APOBEC3C: variants seen among roughly 807,000 people sequenced by gnomAD.
APOBEC3C encodes the protein DNA dC->dU-editing enzyme APOBEC-3C.
In APOBEC3C, 14 loss-of-function variants were observed where a neutral mutation model predicts 20.6. The ratio of observed to expected loss-of-function variants is 0.68; its 90% CI spans 0.45 to 1.06. The LOEUF (loss-of-function observed/expected upper bound fraction) is 1.06. Among genes scored for constraint, APOBEC3C ranks in the 50% least tolerant of loss-of-function variants. The pLI is 0.00. For synonymous variants in APOBEC3C, 98 were observed against 88.8 expected (o/e 1.10, Z -0.58); for missense variants, 244 against 241.9 (o/e 1.01, Z -0.06).
intron 2 of APOBEC3C, among the ~76,000 whole-genome samples, chr22:39,017,190 C>G (rs893341560): frequency 4.6e-5 from 7 of 151,884 alleles, no homozygotes; most frequent in African/African-American, 1.5e-4. Flanking sequence ...CGAGATTGTG[C>G]CACTGCACTC....
chr22:39,017,751 C>A lies in APOBEC3C; in HGVS notation c.175-15C>A. ...TGGTCTGAGCTCCCCTGTCCTCCTC[C>A]TCCTCCTTCGCCAGGTGGATTCTGA... On this transcript the variant is annotated splice_polypyrimidine_tract_variant and intron_variant, in intron 2 of 3. Transcript: ENST00000361441. 6.2e-7 allele frequency: 1 copy of A among 1,609,578 alleles called. No individual in the cohort carries two copies. The highest frequency in any genetic ancestry group is 8.5e-7 in the Non-Finnish European group (1 of 1,176,636).
At chr22:39,015,819 A>G in intron 2 of APOBEC3C, 68 bp downstream of exon 2, 1 of 1,518,296 alleles carries the variant, frequency 6.6e-7, no homozygotes, top group Non-Finnish European at 9.0e-7. Flanking sequence ...AAACGCAACA[A>G]TAAGTGATGT....
At position 39,018,576 on chromosome 22, in the gene APOBEC3C, GCTCCTTT is replaced by G; in HGVS notation, c.*192_*198del. ...GCTCTTCCAGACTCTTCCTGCAGAGGCTCCTTTCTGCCTCCATGGCTATCCATCCACC... is the reference window on the plus strand; with the variant it reads ...GCTCTTCCAGACTCTTCCTGCAGAGGCTGCCTCCATGGCTATCCATCCACC... On this transcript the variant is annotated 3_prime_UTR_variant, in exon 4 of 4. Coordinates refer to ENST00000361441, the MANE Select transcript of APOBEC3C (RefSeq NM_014508.3). The G allele has an allele frequency of 1.7e-6, 1 of 604,822 alleles. No individual in the cohort carries two copies. Among genetic ancestry groups the G allele is most frequent in the South Asian group, 2.2e-5 (1 of 45,300 alleles). The allele number at this position is 604,822 out of a possible 1,614,324, so 37.5% of individuals were successfully genotyped here. A position where few individuals can be genotyped will look rare whatever the true frequency, so the allele number is the denominator to read the frequency against.
At chr22:39,015,852 T>C (rs1052973532) in intron 2 of APOBEC3C, 101 bp downstream of exon 2, 14 of 1,150,892 alleles carry the variant, frequency 1.2e-5, no homozygotes, top group Non-Finnish European at 1.6e-5. Flanking sequence ...CTCTCCTGTG[T>C]GCACTTTCCT....
Position 39,018,065 on chromosome 22 carries a change from G to A in APOBEC3C, c.454+20G>A, listed in dbSNP as rs746910893. The A allele has an allele frequency of 3.2e-4, 517 of 1,612,596 alleles. No individual in the cohort carries two copies. Among genetic ancestry groups the A allele is most frequent in the Non-Finnish European group, 4.1e-4 (486 of 1,178,920 alleles). On this transcript the variant is annotated intron_variant, in intron 3 of 3. Coordinates refer to ENST00000361441, the MANE Select transcript of APOBEC3C (RefSeq NM_014508.3). Reference sequence around the variant, plus strand: ...ATGAAGGTGAGACGTGGGGGGCTGAGGAGAGTGGGTGCAGGAGGGACAGCA... The same window carrying A: ...ATGAAGGTGAGACGTGGGGGGCTGAAGAGAGTGGGTGCAGGAGGGACAGCA...
rs201615015 is a variant in APOBEC3C, at chr22:39,017,822, C to T, written c.231C>T (p.Asp77=). Residue 77 remains aspartate, a synonymous_variant, in exon 3 of 4, where the codon GAC becomes GAT. Transcript: ENST00000361441. ...AERCFLSWFC[D]DILSPNTKYQ... is the part of the protein sequence containing the mutation. ...GGTGCTTCCTCTCTTGGTTCTGCGA[C>T]GACATACTGTCTCCTAACACAAAGT... is the stretch of plus-strand genomic sequence containing the variant. The T allele has an allele frequency of 2.1e-4, 347 of 1,614,050 alleles. 1 individual carries two copies. Among genetic ancestry groups the T allele is most frequent in the South Asian group, 2.0e-3 (180 of 91,072 alleles).
Position 39,018,313 on chromosome 22 carries a change from C to T in APOBEC3C, c.499C>T (p.Pro167Ser), listed in dbSNP as rs1256049011. 6.2e-7 allele frequency: 1 copy of T among 1,614,066 alleles called. No homozygotes were observed. ...AAACTTTGTGTACAATGATAATGAG[C>T]CATTCAAGCCTTGGAAGGGATTAAA... Reference protein sequence around the residue: ...WENFVYNDNEPFKPWKGLKTN... With the variant: ...WENFVYNDNESFKPWKGLKTN... Residue 167 changes from proline (P) to serine (S), a missense_variant, in exon 4 of 4, where the codon CCA (proline) becomes TCA (serine). Physicochemically the swap from Pro to Ser is moderately conservative, Grantham distance 74. Transcript: ENST00000361441.
chr22:39,018,761 C>T lies in APOBEC3C; in HGVS notation c.*374C>T, dbSNP rs1139721. The T allele has an allele frequency of 0.33, 49,014 of 148,186 alleles. 8,600 individuals carry two copies. The highest frequency in any genetic ancestry group is 0.53 in the East Asian group (2,653 of 5,040). 9.2% of individuals were successfully genotyped at this position (148,186 alleles called of 1,614,324 possible). A position where few individuals can be genotyped will look rare whatever the true frequency, so the allele number is the denominator to read the frequency against. Reference sequence around the variant, plus strand: ...ATTTGGGAGGCAAAGGTGGGAGAATCGCGTGAGCCCAGGAGTTCCAGACCA... The same window carrying T: ...ATTTGGGAGGCAAAGGTGGGAGAATTGCGTGAGCCCAGGAGTTCCAGACCA... On this transcript the variant is annotated 3_prime_UTR_variant, in exon 4 of 4. Transcript: ENST00000361441.
In APOBEC3C at chr22:39,018,020, C is replaced by G. The variant is rs367817380; in HGVS notation, c.429C>G (p.Val143=). The change falls in exon 3 of 4, where the codon GTC becomes GTG. Residue 143 remains valine (V), a synonymous_variant. Transcript: ENST00000361441. ...EGLRSLSQEG[V]AVEIMDYEDF... ...TCCGCAGCCTGAGTCAGGAAGGGGT[C>G]GCTGTGGAGATCATGGACTATGAAG... is the stretch of plus-strand genomic sequence containing the variant. The G allele has an allele frequency of 6.2e-7, 1 of 1,614,098 alleles. No homozygotes were observed. The highest frequency in any genetic ancestry group is 1.7e-5 in the Admixed American group (1 of 60,012).
intron 1 of APOBEC3C, 79 bp downstream of exon 1, chr22:39,014,458 T>C: frequency 6.3e-7 from 1 of 1,578,468 alleles, no homozygotes; most frequent in Non-Finnish European, 8.7e-7. Flanking sequence ...AGCCCTGGCC[T>C]CCCCCTGCCC....
Position 39,017,833 on chromosome 22 carries a change from C to CG in APOBEC3C, c.242_243insG (p.Pro82SerfsTer2). The stretch of plus-strand genomic sequence containing the variant: ...TCTTGGTTCTGCGACGACATACTGT[C>CG]TCCTAACACAAAGTACCAGGTCACC... On this transcript the variant is annotated frameshift_variant, in exon 3 of 4. Coordinates refer to ENST00000361441, the MANE Select transcript of APOBEC3C (RefSeq NM_014508.3). LOFTEE classifies it high-confidence loss of function. 6.2e-7 allele frequency: 1 copy of CG among 1,614,132 alleles called. No individual in the cohort carries two copies. Among genetic ancestry groups the CG allele is most frequent in the Non-Finnish European group, 8.5e-7 (1 of 1,179,992 alleles).
intron 1 of APOBEC3C, among the ~76,000 whole-genome samples, chr22:39,014,929 T>C (rs780316656): frequency 1.3e-5 from 2 of 152,298 alleles, no homozygotes; most frequent in Admixed American, 6.5e-5. Context: ...GCTCCTCCTC[T>C]GTGAGCACCG....
At chr22:39,015,903 T>G in intron 2 of APOBEC3C, 152 bp downstream of exon 2, 2 of 710,600 alleles carry the variant, frequency 2.8e-6, no homozygotes, top group African/African-American at 2.0e-5. Context: ...TGAGATGGAG[T>G]CTCGCTCTGT....
At position 39,018,728 on chromosome 22, in the gene APOBEC3C, C is replaced by A. The variant is rs994232630; in HGVS notation, c.*341C>A. ...GGCATGGTGACTCACGCCTGTAATC[C>A]CCCAGCAATTTGGGAGGCAAAGGTG... On this transcript the variant is annotated 3_prime_UTR_variant, in exon 4 of 4. Transcript: ENST00000361441. 1 of 168,546 alleles carries A rather than the reference C, an allele frequency of 5.9e-6. No individual in the cohort carries two copies. Among genetic ancestry groups the A allele is most frequent in the African/African-American group, 2.4e-5 (1 of 41,244 alleles). The allele number at this position is 168,546 out of a possible 1,614,324, so 10.4% of individuals were successfully genotyped here. A position where few individuals can be genotyped will look rare whatever the true frequency, so the allele number is the denominator to read the frequency against.
rs566935113 is a variant in APOBEC3C at position 39,015,736 on chromosome 22, C to T, written c.159C>T (p.Gly53=). 31 of 1,613,652 alleles carry T rather than the reference C, an allele frequency of 1.9e-5. No homozygotes were observed. The highest frequency in any genetic ancestry group is 1.7e-4 in the Middle Eastern group (1 of 6,044). The change falls in exon 2 of 4, where the codon GGC becomes GGT. Residue 53 remains glycine, a synonymous_variant. Coordinates refer to ENST00000361441, the MANE Select transcript of APOBEC3C (RefSeq NM_014508.3). ...GCTCAGTTGTCTCCTGGAAGACGGG[C>T]GTCTTCCGAAACCAGGTAGCACCAA... is the stretch of plus-strand genomic sequence containing the variant. ...KRRSVVSWKT[G]VFRNQVDSET...
rs536896444 is a variant in APOBEC3C, at chr22:39,017,739, CCT to C, written c.175-26_175-25del. 408 of 1,605,502 alleles carry C rather than the reference CCT, an allele frequency of 2.5e-4. No homozygotes were observed. In the African/African-American group the frequency reaches 4.6e-3, roughly 18 times the overall value. On this transcript the variant is annotated intron_variant, in intron 2 of 3. Transcript: ENST00000361441. ...TCCTCCTGCTCCTGGTCTGAGCTCC[CCT>C]GTCCTCCTCCTCCTCCTTCGCCAGG...
Position 39,017,807 on chromosome 22 carries a change from C to T in APOBEC3C, c.216C>T (p.Leu72=), listed in dbSNP as rs1291860252. The change falls in exon 3 of 4, where the codon CTC becomes CTT. Residue 72 remains leucine (L), a synonymous_variant. Coordinates refer to ENST00000361441, the MANE Select transcript of APOBEC3C (RefSeq NM_014508.3). ...ATTGTCATGCAGAAAGGTGCTTCCTCTCTTGGTTCTGCGACGACATACTGT... is the reference window on the plus strand; with the variant it reads ...ATTGTCATGCAGAAAGGTGCTTCCTTTCTTGGTTCTGCGACGACATACTGT... ...ETHCHAERCF[L]SWFCDDILSP... is the part of the protein sequence containing the mutation. 3 of 1,614,002 alleles carry T rather than the reference C, an allele frequency of 1.9e-6. No homozygotes were observed. The highest frequency in any genetic ancestry group is 2.2e-5 in the East Asian group (1 of 44,882).
chr22:39,014,406 G>T, intron 1 of APOBEC3C, 27 bp downstream of exon 1: 2 of 1,613,160 alleles, frequency 1.2e-6, no homozygotes, highest in Non-Finnish European at 1.7e-6. Flanking sequence ...TGTCCGCCAG[G>T]CCCCTCCTGC....
At chr22:39,016,799 G>T (rs1174018782) in intron 2 of APOBEC3C, among the ~76,000 whole-genome samples, 2 of 152,220 alleles carry the variant, frequency 1.3e-5, no homozygotes. Flanking sequence ...TCAGCAGAAG[G>T]CAGGCAGGGA....
Sources: gnomAD v4.1 joint callset for allele counts (sites outside exome capture counted in the v4.1 genomes callset) on GRCh38, gnomAD v4.1.1 for gene constraint, MANE v1.5 for transcripts, NCBI Gene and HGNC (gene_info 2026-07-23, HGNC 2026-07-21) for gene names.